The following EZH2 variants were observed in gnomAD, a reference collection of about 807,000 sequenced individuals.
EZH2 encodes enhancer of zeste 2 polycomb repressive complex 2 subunit, also known as histone-lysine N-methyltransferase EZH2.
Under a neutral mutation model 98.4 loss-of-function variants are expected in EZH2, and 18 were observed. The observed-to-expected ratio is 0.18, with a 90% confidence interval of 0.13 to 0.27. The LOEUF is 0.27. EZH2 is among the 10% of genes least tolerant of loss of function. EZH2 has a pLI of 1.00. For missense variants in EZH2, 470 were observed against 935.1 expected, an observed-to-expected ratio of 0.50 and a Z score of 6.49; for synonymous variants, 338 against 312.3, an observed-to-expected ratio of 1.08 and a Z score of -0.87.
chr7:148,881,455 A>G (rs1277961739), intron 1 of EZH2, among the ~76,000 whole-genome samples: 1 of 152,242 alleles, frequency 6.6e-6, no homozygotes, highest in African/African-American at 2.4e-5. Flanking sequence ...TAACTACACT[A>G]GATCAACAAG....
At chr7:148,871,759 G>T (rs1343882258) in intron 1 of EZH2, among the ~76,000 whole-genome samples, 1 of 151,852 alleles carries the variant, frequency 6.6e-6, no homozygotes, top group Non-Finnish European at 1.5e-5. Context: ...ATTTTTTGTA[G>T]AGATGAGGTC....
rs936820117 is a variant in EZH2, at chr7:148,871,151, A to G, written c.-8+13013T>C. Among the ~76,000 whole-genome samples, 12 of 152,256 alleles carry G rather than the reference A, an allele frequency of 7.9e-5. No individual in the cohort carries two copies. In the East Asian group the frequency reaches 2.3e-3, roughly 29 times the overall value. On this transcript the variant is annotated intron_variant, in intron 1 of 19. Coordinates refer to ENST00000320356, the MANE Select transcript of EZH2 (RefSeq NM_004456.5). ...CAAAACCACAATGAGATAGCACCTC[A>G]CACCCATTATGTTGGCCACTACCAA...
At chr7:148,820,079 G>T (rs1805572447) in intron 8 of EZH2, among the ~76,000 whole-genome samples, 1 of 152,068 alleles carries the variant, frequency 6.6e-6, no homozygotes. Context: ...ACAATTTCTT[G>T]ATTTCTAAAG....
rs749969922 is a variant in EZH2 at position 148,807,642 on chromosome 7, G to C, written c.*4C>G. On this transcript the variant is annotated 3_prime_UTR_variant, in exon 20 of 20. Coordinates refer to ENST00000320356, the MANE Select transcript of EZH2 (RefSeq NM_004456.5). ...TCAGAGGAGGGGGGAGGAGGTAGCA[G>C]ATGTCAAGGGATTTCCATTTCTCTT... 6 of 1,593,626 alleles carry C rather than the reference G, an allele frequency of 3.8e-6. No individual in the cohort carries two copies. Among genetic ancestry groups the C allele is most frequent in the Non-Finnish European group, 5.1e-6 (6 of 1,169,154 alleles).
At chr7:148,813,349 C>A (rs994136027) in intron 15 of EZH2, among the ~76,000 whole-genome samples, 3 of 150,952 alleles carry the variant, frequency 2.0e-5, no homozygotes, top group Non-Finnish European at 4.4e-5. Flanking sequence ...AAAAAAGATA[C>A]GAAATTTCCC....
chr7:148,858,803 A>G (rs1193490316), intron 1 of EZH2, among the ~76,000 whole-genome samples: 1 of 152,218 alleles, frequency 6.6e-6, no homozygotes. Flanking sequence ...AAGGAAAAAA[A>G]AAGATCTCCA....
chr7:148,882,582 T>C (rs921514841), intron 1 of EZH2, among the ~76,000 whole-genome samples: 2 of 152,232 alleles, frequency 1.3e-5, no homozygotes, highest in Non-Finnish European at 2.9e-5. Flanking sequence ...ACTTGTACAG[T>C]ATTCCTAAAC....
chr7:148,877,682 C>A (rs1354739911), intron 1 of EZH2, among the ~76,000 whole-genome samples: 3 of 152,194 alleles, frequency 2.0e-5, no homozygotes, highest in African/African-American at 7.2e-5. Context: ...GAACTCTACT[C>A]TCCTCCCCTC....
chr7:148,866,491 AATATATATACGTATATAC>A (rs1818462874), intron 1 of EZH2, among the ~76,000 whole-genome samples: 1 of 123,182 alleles, frequency 8.1e-6, no homozygotes, highest in African/African-American at 3.4e-5. Flanking sequence ...AACTGTGAAA[AATATATATACGTATATAC>A]ATATATATGT....
intron 19 of EZH2, 47 bp from the exon 20 acceptor site, chr7:148,807,753 CAT>C: frequency 7.6e-7 from 1 of 1,316,796 alleles, no homozygotes; most frequent in Non-Finnish European, 1.0e-6. Flanking sequence ...ACCCATCCAA[CAT>C]GTGCTGAGAC....
chr7:148,854,599 G>A (rs1208788908), intron 1 of EZH2, among the ~76,000 whole-genome samples: 1 of 152,156 alleles, frequency 6.6e-6, no homozygotes, highest in Non-Finnish European at 1.5e-5. Context: ...CAGCAACTTT[G>A]ACTCTTAACT....
intron 1 of EZH2, among the ~76,000 whole-genome samples, chr7:148,877,290 A>G (rs1370005556): frequency 6.6e-6 from 1 of 152,248 alleles, no homozygotes; most frequent in Non-Finnish European, 1.5e-5. Flanking sequence ...AGTAGTTTAA[A>G]GCGAACACAT....
intron 1 of EZH2, among the ~76,000 whole-genome samples, chr7:148,866,654 A>ATACGTATATGCATATATATG (rs796482861): frequency 1.0e-4 from 15 of 147,172 alleles, no homozygotes; most frequent in South Asian, 4.2e-4. Context: ...ATATACGTAT[A>ATACGTATATGCATATATATG]TACGTATATG....
At chr7:148,810,523 C>A in intron 16 of EZH2, 109 bp from the exon 17 acceptor site, 6 of 644,604 alleles carry the variant, frequency 9.3e-6, no homozygotes, top group Admixed American at 9.3e-5. Flanking sequence ...GAAAACGCAA[C>A]AAAAAGGGTC....
At chr7:148,862,923 G>GT (rs1554421152) in intron 1 of EZH2, among the ~76,000 whole-genome samples, 96 of 150,828 alleles carry the variant, frequency 6.4e-4, no homozygotes, top group East Asian at 6.2e-3. Flanking sequence ...GTTTTGTTTT[G>GT]TTTTTTTAAA....
chr7:148,882,775 G>A (rs1821201559), intron 1 of EZH2, among the ~76,000 whole-genome samples: 1 of 152,126 alleles, frequency 6.6e-6, no homozygotes, highest in Non-Finnish European at 1.5e-5. Flanking sequence ...ACCCTAAAAA[G>A]CAAGCCTTTA....
intron 1 of EZH2, among the ~76,000 whole-genome samples, chr7:148,848,015 A>C (rs576105387): frequency 1.3e-5 from 2 of 152,336 alleles, no homozygotes; most frequent in African/African-American, 4.8e-5. Flanking sequence ...GACAGCTTAT[A>C]GTTCACCAGA....
At chr7:148,820,467 G>A (rs1225454763) in intron 8 of EZH2, among the ~76,000 whole-genome samples, 1 of 150,896 alleles carries the variant, frequency 6.6e-6, no homozygotes, top group African/African-American at 2.4e-5. Context: ...AATTAATTTG[G>A]AGAAAAACAA....
At position 148,826,545 on chromosome 7, in the gene EZH2, A is replaced by C. The variant is rs751191266; in HGVS notation, c.816T>G (p.Val272=). 2 of 1,601,438 alleles carry C rather than the reference A, an allele frequency of 1.2e-6. No homozygotes were observed. Among genetic ancestry groups the C allele is most frequent in the Admixed American group, 3.4e-5 (2 of 59,412 alleles). ...AGGAGTGTAAGCTTTGCTCTCTCTG[A>C]ACAGATTTAGCATTTGGTCCATCTA... The part of the protein sequence containing the change: ...PNIDGPNAKS[V]QREQSLHSFH... Residue 272 remains valine, a synonymous_variant, in exon 8 of 20, where the codon GTT becomes GTG. Coordinates refer to ENST00000320356, the MANE Select transcript of EZH2 (RefSeq NM_004456.5).
Sources: gnomAD v4.1 joint callset for allele counts (sites outside exome capture counted in the v4.1 genomes callset) on GRCh38, gnomAD v4.1.1 for gene constraint, MANE v1.5 for transcripts, NCBI Gene and HGNC (gene_info 2026-07-23, HGNC 2026-07-21) for gene names.